KLF3: variants seen among roughly 807,000 people sequenced by gnomAD.
The protein encoded by KLF3 is Krueppel-like factor 3.
A neutral mutation model predicts 32.7 loss-of-function variants in KLF3; 6 were observed. The observed-to-expected ratio is 0.18, with a 90% CI of 0.10 to 0.36. The LOEUF is 0.36. KLF3 is among the 10% of genes least tolerant of loss of function. The probability of loss-of-function intolerance (pLI) is 1.00; values close to 1 mark genes in which losing one functional copy is unlikely to be tolerated. For missense variants in KLF3, 338 were observed against 449.7 expected (o/e 0.75, Z 2.25); for synonymous variants, 145 against 172.8 (o/e 0.84, Z 1.26).
intron 4 of KLF3, among the ~76,000 whole-genome samples, chr4:38,693,602 C>G (rs1237828808): frequency 6.6e-6 from 1 of 151,870 alleles, no homozygotes; most frequent in African/African-American, 2.4e-5. Flanking sequence ...CACCTTTTTT[C>G]TCCTCAAACA....
intron 4 of KLF3, chr4:38,690,132 C>A (rs1414190514): frequency 7.1e-6 from 3 of 421,860 alleles, no homozygotes; most frequent in Non-Finnish European, 1.2e-5. Context: ...TGATTTTGCA[C>A]CTTACCACAT....
chr4:38,698,591 C>G lies in KLF3; in HGVS notation c.*1328C>G, dbSNP rs1473165099. On this transcript the variant is annotated 3_prime_UTR_variant, in exon 6 of 6. Transcript: ENST00000261438. Reference sequence around the variant, plus strand: ...AGATCAGGGATTCATATATGTAGCTCAAAAATTCCCAAAAGTTTACTGTTA... The same window carrying G: ...AGATCAGGGATTCATATATGTAGCTGAAAAATTCCCAAAAGTTTACTGTTA... 6.6e-6 allele frequency: 1 copy of G among 152,482 alleles called. No homozygotes were observed. The highest frequency in any genetic ancestry group is 2.4e-5 in the African/African-American group (1 of 41,408). 9.4% of individuals were successfully genotyped at this position (152,482 alleles called of 1,614,324 possible).
At chr4:38,682,349 G>A (rs1449918463) in intron 2 of KLF3, among the ~76,000 whole-genome samples, 6 of 152,176 alleles carry the variant, frequency 3.9e-5, no homozygotes, top group Non-Finnish European at 8.8e-5. Context: ...ATGAGCCACC[G>A]CTCCTGGCCA....
chr4:38,680,386 G>T (rs1166631193), intron 1 of KLF3, among the ~76,000 whole-genome samples: 2 of 151,786 alleles, frequency 1.3e-5, no homozygotes, highest in Non-Finnish European at 1.5e-5. Flanking sequence ...GCTAATTTTT[G>T]CATTTTTAGT....
chr4:38,689,486 A>T (rs1214263041), intron 3 of KLF3, among the ~76,000 whole-genome samples: 2 of 152,210 alleles, frequency 1.3e-5, no homozygotes, highest in African/African-American at 4.8e-5. Flanking sequence ...AATAATCCAG[A>T]ATTATAAGAA....
chr4:38,667,237 C>T (rs933426838), intron 1 of KLF3, among the ~76,000 whole-genome samples: 2 of 152,188 alleles, frequency 1.3e-5, no homozygotes, highest in African/African-American at 2.4e-5. Context: ...TGTGCTTTCT[C>T]TCCAGCACAG....
chr4:38,692,680 C>T (rs539715935), intron 4 of KLF3, among the ~76,000 whole-genome samples: 74 of 152,164 alleles, frequency 4.9e-4, no homozygotes, highest in African/African-American at 1.6e-3. Context: ...CACAGCCTTT[C>T]GGTGCACCTT....
chr4:38,665,269 G>A (rs771328103), intron 1 of KLF3, among the ~76,000 whole-genome samples: 39 of 152,256 alleles, frequency 2.6e-4, no homozygotes, highest in Non-Finnish European at 5.0e-4. Flanking sequence ...GCTGAAGGCG[G>A]AAGACGCCTT....
At position 38,688,640 on chromosome 4, in the gene KLF3, A is replaced by G. The variant is rs1722770468; in HGVS notation, c.113A>G (p.Tyr38Cys). ...SMKPNKYGVI[Y>C]STPLPEKFFQ... ...AAGCCTAACAAGTATGGGGTCATCT[A>G]CTCCACACCATTGCCTGAGAAGTTC... is the stretch of plus-strand genomic sequence containing the variant. Residue 38 changes from tyrosine to cysteine, a missense_variant, in exon 3 of 6, where the codon TAC (tyrosine) becomes TGC (cysteine). Tyr to Cys is a radical substitution (Grantham distance 194). Transcript: ENST00000261438. This position sits in a 1 kb window ranked among gnomAD's most constrained non-coding sequence, Gnocchi z 4.9. The G allele has an allele frequency of 6.2e-7, 1 of 1,613,910 alleles. No individual in the cohort carries two copies. Among genetic ancestry groups the G allele is most frequent in the Non-Finnish European group, 8.5e-7 (1 of 1,179,938 alleles).
chr4:38,694,693 GA>G, intron 4 of KLF3, 52 bp from the exon 5 acceptor site: 2 of 1,464,060 alleles, frequency 1.4e-6, no homozygotes, highest in Non-Finnish European at 1.8e-6. Flanking sequence ...GTAGACTGAT[GA>G]AAAAGGAAGA....
intron 1 of KLF3, among the ~76,000 whole-genome samples, chr4:38,678,911 G>A (rs1430390612): frequency 2.0e-5 from 3 of 152,166 alleles, no homozygotes; most frequent in Non-Finnish European, 4.4e-5. Context: ...GCCTGAAGTC[G>A]ATTTCTGAAA....
rs1722208291 is a variant in KLF3 at position 38,671,874 on chromosome 4, TTG to T, written c.-40+7416_-40+7417del. 6.6e-6 allele frequency among the ~76,000 whole-genome samples: 1 copy of T among 152,148 alleles called. No individual in the cohort carries two copies. Among genetic ancestry groups the T allele is most frequent in the Non-Finnish European group, 1.5e-5 (1 of 68,020 alleles). On this transcript the variant is annotated intron_variant, in intron 1 of 5. Transcript: ENST00000261438. This position sits in a 1 kb window ranked among gnomAD's most constrained non-coding sequence, Gnocchi z 4.4. ...TTGATCCCTTTTCAAAAACCTGTGT[TTG>T]TGCACACACCCCTTCCCCTTGCAGT...
intron 1 of KLF3, among the ~76,000 whole-genome samples, chr4:38,666,102 C>T (rs1048076862): frequency 6.6e-6 from 1 of 152,056 alleles, no homozygotes; most frequent in Non-Finnish European, 1.5e-5. Context: ...GGCTTTGCTG[C>T]AGAACTATTT....
intron 1 of KLF3, among the ~76,000 whole-genome samples, chr4:38,672,120 A>G (rs1260921958): frequency 6.6e-6 from 1 of 152,182 alleles, no homozygotes; most frequent in African/African-American, 2.4e-5. Context: ...AGTTTGGTTT[A>G]CTAGGTCTCC....
At chr4:38,687,421 A>G (rs17428931) in intron 2 of KLF3, among the ~76,000 whole-genome samples, 10,216 of 152,324 alleles carry the variant, frequency 0.067, 390 homozygotes, top group Non-Finnish European at 0.07. Flanking sequence ...GGTCAAGGAT[A>G]GTGCCCATTG....
chr4:38,685,841 T>C (rs1440257940), intron 2 of KLF3, among the ~76,000 whole-genome samples: 1 of 152,230 alleles, frequency 6.6e-6, no homozygotes, highest in Non-Finnish European at 1.5e-5. Flanking sequence ...ATCATTCTCC[T>C]TCCTATATTT....
rs577088372 is a variant in KLF3, at chr4:38,701,227, G to C, written c.*3964G>C. Among the ~76,000 whole-genome samples, 4 of 152,228 alleles carry C rather than the reference G, an allele frequency of 2.6e-5. No individual in the cohort carries two copies. The highest frequency in any genetic ancestry group is 4.1e-4 in the South Asian group (2 of 4,828). On this transcript the variant is annotated 3_prime_UTR_variant, in exon 6 of 6. Transcript: ENST00000261438. ...ACTCAGCCCTCAAGCTATGTCCCTGGTTTTCTGAAAACAGCCAACAGGAAG... is the reference window on the plus strand; with the variant it reads ...ACTCAGCCCTCAAGCTATGTCCCTGCTTTTCTGAAAACAGCCAACAGGAAG...
At chr4:38,695,766 A>G (rs1723029313) in intron 5 of KLF3, among the ~76,000 whole-genome samples, 1 of 152,148 alleles carries the variant, frequency 6.6e-6, no homozygotes, top group Non-Finnish European at 1.5e-5. Context: ...GTGGTGATGT[A>G]TGTACAGTAA....
intron 4 of KLF3, among the ~76,000 whole-genome samples, chr4:38,693,955 G>T (rs1274362848): frequency 6.6e-6 from 1 of 152,178 alleles, no homozygotes; most frequent in Non-Finnish European, 1.5e-5. Context: ...AGGAATGAGA[G>T]AGAAATCAGG....
Sources: gnomAD v4.1 joint callset for allele counts (sites outside exome capture counted in the v4.1 genomes callset) on GRCh38, gnomAD v4.1.1 for gene constraint, Gnocchi (gnomAD v3.1) non-coding constraint, MANE v1.5 for transcripts, NCBI Gene and HGNC (gene_info 2026-07-23, HGNC 2026-07-21) for gene names.